The following MARCHF1 variants were observed in gnomAD, a reference collection of about 807,000 sequenced individuals.
The protein encoded by MARCHF1 is E3 ubiquitin-protein ligase MARCHF1.
A neutral mutation model predicts 54.2 loss-of-function variants in MARCHF1; 40 were observed. The ratio of observed to expected loss-of-function variants is 0.74; its 90% CI spans 0.57 to 0.96. MARCHF1 has a LOEUF of 0.96. MARCHF1 is among the 40% of genes least tolerant of loss of function. MARCHF1 has a pLI of 0.00. For missense variants in MARCHF1, 586 were observed against 656.5 expected (o/e 0.89, Z 1.17); for synonymous variants, 236 against 236.3 (o/e 1.00, Z 0.01).
intron 2 of MARCHF1, among the ~76,000 whole-genome samples, chr4:164,025,807 TAAGA>T (rs1404189953): frequency 2.0e-5 from 3 of 150,458 alleles, no homozygotes; most frequent in Admixed American, 6.6e-5. Context: ...CTCAAAAGAA[TAAGA>T]AAGATTGATA....
At chr4:164,078,399 G>A (rs1755023472) in intron 2 of MARCHF1, among the ~76,000 whole-genome samples, 2 of 152,104 alleles carry the variant, frequency 1.3e-5, no homozygotes, top group African/African-American at 4.8e-5. Flanking sequence ...TTAGGGGAAG[G>A]ATAGCATTAG....
chr4:164,102,714 C>T (rs1472739317), intron 2 of MARCHF1, among the ~76,000 whole-genome samples: 2 of 151,584 alleles, frequency 1.3e-5, no homozygotes, highest in Non-Finnish European at 2.9e-5. Context: ...AACTAATGAG[C>T]AAAATAACCA....
chr4:164,188,466 TG>T, intron 1 of MARCHF1: 1 of 652,136 alleles, frequency 1.5e-6, no homozygotes. Context: ...GTGGGCACGG[TG>T]GTCTGCGTCG....
chr4:163,859,808 G>T (rs1172153932), intron 3 of MARCHF1, among the ~76,000 whole-genome samples: 2 of 152,134 alleles, frequency 1.3e-5, no homozygotes, highest in African/African-American at 4.8e-5. Flanking sequence ...TATACTAAGA[G>T]ATGTAAGTGA....
At chr4:164,292,333 GT>G (rs774657755) in intron 1 of MARCHF1, among the ~76,000 whole-genome samples, 82 of 151,844 alleles carry the variant, frequency 5.4e-4, no homozygotes, top group Middle Eastern at 3.4e-3. Context: ...ATGGTTATGC[GT>G]TTTTTTTCAT....
At chr4:164,317,912 T>G (rs1735041293) in intron 1 of MARCHF1, among the ~76,000 whole-genome samples, 1 of 152,130 alleles carries the variant, frequency 6.6e-6, no homozygotes, top group South Asian at 2.1e-4. Flanking sequence ...TGTGTTTCAT[T>G]CCTCTGTTTA....
intron 2 of MARCHF1, among the ~76,000 whole-genome samples, chr4:164,081,581 TCAC>T (rs1468296254): frequency 6.6e-6 from 1 of 152,098 alleles, no homozygotes; most frequent in East Asian, 1.9e-4. Context: ...TCCTCTTCCT[TCAC>T]CTAGCAGCAT....
chr4:164,382,075 T>C (rs1239862066), intron 1 of MARCHF1, among the ~76,000 whole-genome samples: 1 of 152,212 alleles, frequency 6.6e-6, no homozygotes, highest in Non-Finnish European at 1.5e-5. Context: ...AAAGCTACAA[T>C]GAGCTTTTCC....
chr4:164,242,665 T>G (rs547164051), intron 1 of MARCHF1, among the ~76,000 whole-genome samples: 2 of 152,112 alleles, frequency 1.3e-5, no homozygotes, highest in African/African-American at 4.8e-5. Context: ...AGGTTTCAGA[T>G]GATCAAATTA....
At chr4:164,061,855 T>C (rs745386357) in intron 2 of MARCHF1, among the ~76,000 whole-genome samples, 1 of 152,168 alleles carries the variant, frequency 6.6e-6, no homozygotes, top group Non-Finnish European at 1.5e-5. Context: ...TCCCTGATGT[T>C]AATGGATGCT....
rs181105312 is a variant in MARCHF1, at chr4:163,693,235, G to C, written c.162+7578C>G. ...GTATCTTCAGGAGCTGGACAAATCA[G>C]TGAAATTTTTAGAAATTCTGTAGTC... On this transcript the variant is annotated intron_variant, in intron 5 of 9. Coordinates refer to ENST00000514618, the MANE Select transcript of MARCHF1 (RefSeq NM_001394959.1). 2.0e-5 allele frequency among the ~76,000 whole-genome samples: 3 copies of C among 151,556 alleles called. No homozygotes were observed. In the East Asian group the frequency reaches 5.9e-4, roughly 30 times the overall value.
chr4:163,915,907 G>C (rs1226629366), intron 3 of MARCHF1, among the ~76,000 whole-genome samples: 1 of 152,116 alleles, frequency 6.6e-6, no homozygotes, highest in Non-Finnish European at 1.5e-5. Flanking sequence ...TACTTGGCCA[G>C]TGGCTTGATA....
chr4:164,054,299 A>C (rs547210921), intron 2 of MARCHF1, among the ~76,000 whole-genome samples: 1 of 152,178 alleles, frequency 6.6e-6, no homozygotes, highest in African/African-American at 2.4e-5. Context: ...GGATGTGGAG[A>C]AATAGGAACA....
At chr4:164,219,469 G>A (rs1732028852) in intron 1 of MARCHF1, among the ~76,000 whole-genome samples, 1 of 151,996 alleles carries the variant, frequency 6.6e-6, no homozygotes, top group Non-Finnish European at 1.5e-5. Context: ...TCATAACAAT[G>A]AAGAATCAAT....
At chr4:163,543,778 A>G (rs952240124) in intron 9 of MARCHF1, among the ~76,000 whole-genome samples, 1 of 152,162 alleles carries the variant, frequency 6.6e-6, no homozygotes, top group Non-Finnish European at 1.5e-5. Context: ...ATGGGTGTCT[A>G]TGAGGGTCTA....
intron 1 of MARCHF1, among the ~76,000 whole-genome samples, chr4:164,377,113 A>G (rs1731216205): frequency 6.6e-6 from 1 of 152,196 alleles, no homozygotes; most frequent in Admixed American, 6.5e-5. Context: ...GATTTCTGGA[A>G]TATGTTATCT....
chr4:164,311,639 TG>T (rs1221441201), intron 1 of MARCHF1, among the ~76,000 whole-genome samples: 1 of 152,210 alleles, frequency 6.6e-6, no homozygotes, highest in Non-Finnish European at 1.5e-5. Context: ...CTATTAATCT[TG>T]GTGATTATCT....
intron 5 of MARCHF1, among the ~76,000 whole-genome samples, chr4:163,621,952 G>C (rs1414939611): frequency 6.6e-6 from 1 of 152,042 alleles, no homozygotes; most frequent in African/African-American, 2.4e-5. Flanking sequence ...AGCCAGCATG[G>C]GCAGTGCCTA....
At chr4:164,349,657 A>C (rs999268590) in intron 1 of MARCHF1, among the ~76,000 whole-genome samples, 2 of 152,182 alleles carry the variant, frequency 1.3e-5, no homozygotes, top group Non-Finnish European at 2.9e-5. Context: ...AATTTATAGG[A>C]CTTGAATATC....
Sources: allele counts gnomAD v4.1 joint callset (sites outside exome capture counted in the v4.1 genomes callset), GRCh38; gene constraint gnomAD v4.1.1; transcripts MANE v1.5; gene names NCBI Gene and HGNC (gene_info 2026-07-23, HGNC 2026-07-21).